The following MOCOS variants were observed in gnomAD, a reference collection of about 807,000 sequenced individuals.
MOCOS encodes molybdenum cofactor sulfurase.
MOCOS carries 86 observed loss-of-function variants against 83.6 expected under a neutral mutation model. The ratio of observed to expected loss-of-function variants is 1.03; its 90% CI spans 0.86 to 1.23. MOCOS has a LOEUF of 1.23. MOCOS is among the 50% of genes most tolerant of loss of function. The probability of loss-of-function intolerance (pLI) is 0.00; values close to 1 mark genes in which losing one functional copy is unlikely to be tolerated. For missense variants in MOCOS, 1,120 were observed against 1,126.9 expected, an observed-to-expected ratio of 0.99 and a Z score of 0.09; for synonymous variants, 445 against 434.7, an observed-to-expected ratio of 1.02 and a Z score of -0.29.
intron 9 of MOCOS, among the ~76,000 whole-genome samples, chr18:36,238,939 A>G (rs2091570264): frequency 6.7e-6 from 1 of 150,140 alleles, no homozygotes. Flanking sequence ...CTGTTTTATC[A>G]GAGACTAGGA....
chr18:36,240,933 A>G (rs1253625925), intron 9 of MOCOS, among the ~76,000 whole-genome samples: 6 of 152,182 alleles, frequency 3.9e-5, no homozygotes, highest in African/African-American at 1.4e-4. Context: ...TGATTAGGAA[A>G]GGGAACTCCC....
At chr18:36,229,447 T>C (rs1468811103) in intron 9 of MOCOS, among the ~76,000 whole-genome samples, 1 of 152,226 alleles carries the variant, frequency 6.6e-6, no homozygotes. Flanking sequence ...CTTTTGACTT[T>C]TGGCAATCTG....
chr18:36,241,776 A>T (rs1469449578), intron 9 of MOCOS, among the ~76,000 whole-genome samples: 1 of 152,198 alleles, frequency 6.6e-6, no homozygotes, highest in Non-Finnish European at 1.5e-5. Context: ...GAGGTTACCA[A>T]ATCTCAGTTC....
At chr18:36,261,003 G>T (rs2091661918) in intron 13 of MOCOS, among the ~76,000 whole-genome samples, 1 of 151,998 alleles carries the variant, frequency 6.6e-6, no homozygotes, top group Non-Finnish European at 1.5e-5. Flanking sequence ...TATTCCTGCA[G>T]TGTGTGGGAG....
intron 9 of MOCOS, among the ~76,000 whole-genome samples, chr18:36,240,450 G>A (rs1251765647): frequency 2.1e-5 from 3 of 141,160 alleles, no homozygotes; most frequent in Non-Finnish European, 4.8e-5. Context: ...GCTGCTCGGG[G>A]GTCAGGGGTC....
At position 36,200,121 on chromosome 18, in the gene MOCOS, G is replaced by A. The variant is rs755811397; in HGVS notation, c.738G>A (p.Ser246=). Residue 246 remains serine, a synonymous_variant, in exon 4 of 15, where the codon TCG becomes TCA. Coordinates refer to ENST00000261326, the MANE Select transcript of MOCOS (RefSeq NM_017947.4). ...ATGCAGCCTCCTACGTGAGCACCTC[G>A]CCTTTGGACCTGTCAGCTCACCAGG... ...LLDAASYVST[S]PLDLSAHQAD... is the part of the protein sequence containing the mutation. The A allele has an allele frequency of 1.5e-5, 25 of 1,614,038 alleles. No individual in the cohort carries two copies. The highest frequency in any genetic ancestry group is 1.3e-4 in the East Asian group (6 of 44,896).
At chr18:36,220,343 A>C in intron 9 of MOCOS, 126 bp downstream of exon 9, 1 of 273,924 alleles carries the variant, frequency 3.7e-6, no homozygotes. Context: ...TCATCTCTAC[A>C]AAAAAAAAAA....
At chr18:36,231,943 T>C (rs993899422) in intron 9 of MOCOS, among the ~76,000 whole-genome samples, 3 of 152,302 alleles carry the variant, frequency 2.0e-5, no homozygotes, top group Non-Finnish European at 4.4e-5. Context: ...AACCAAATTC[T>C]AGTGTCATTA....
At chr18:36,191,679 C>A (rs1331645143) in intron 1 of MOCOS, among the ~76,000 whole-genome samples, 2 of 152,164 alleles carry the variant, frequency 1.3e-5, no homozygotes, top group Admixed American at 1.3e-4. Context: ...TCAAGCAATC[C>A]TGCCTTGGCC....
intron 5 of MOCOS, among the ~76,000 whole-genome samples, chr18:36,204,342 T>G (rs2091426323): frequency 6.6e-6 from 1 of 152,232 alleles, no homozygotes. Context: ...CTTTTGTGTC[T>G]GGCTTCACTT....
intron 9 of MOCOS, among the ~76,000 whole-genome samples, chr18:36,233,931 A>G (rs1388670257): frequency 6.6e-6 from 1 of 151,974 alleles, no homozygotes; most frequent in African/African-American, 2.4e-5. Flanking sequence ...AATTCTGGAT[A>G]TTAGTCCTTC....
intron 9 of MOCOS, among the ~76,000 whole-genome samples, chr18:36,230,654 C>T (rs759999578): frequency 6.6e-5 from 10 of 152,196 alleles, no homozygotes; most frequent in Non-Finnish European, 1.3e-4. Flanking sequence ...AGAAGCCAGT[C>T]CTCTAGGGAG....
chr18:36,195,985 A>G (rs2091385850), intron 2 of MOCOS, among the ~76,000 whole-genome samples: 1 of 152,136 alleles, frequency 6.6e-6, no homozygotes, highest in Non-Finnish European at 1.5e-5. Flanking sequence ...TCACTCAGAC[A>G]AGAGGGGGAG....
At chr18:36,210,705 G>T (rs1220351364) in intron 6 of MOCOS, among the ~76,000 whole-genome samples, 1 of 151,516 alleles carries the variant, frequency 6.6e-6, no homozygotes, top group Non-Finnish European at 1.5e-5. Context: ...ACAAAAATTA[G>T]CTGGGCGTGG....
intron 13 of MOCOS, among the ~76,000 whole-genome samples, chr18:36,261,805 G>A (rs1368948661): frequency 6.6e-6 from 1 of 151,800 alleles, no homozygotes; most frequent in Non-Finnish European, 1.5e-5. Flanking sequence ...TTCTATCCCT[G>A]TGTCTCTGCC....
intron 8 of MOCOS, among the ~76,000 whole-genome samples, chr18:36,217,398 C>G (rs1214425927): frequency 6.6e-6 from 1 of 152,134 alleles, no homozygotes; most frequent in Non-Finnish European, 1.5e-5. Flanking sequence ...TAAATTGTGG[C>G]ATCAGTAAAT....
chr18:36,237,601 GT>G (rs1432446753), intron 9 of MOCOS, among the ~76,000 whole-genome samples: 5 of 151,946 alleles, frequency 3.3e-5, no homozygotes, highest in Non-Finnish European at 7.4e-5. Context: ...CTCTTCTTTG[GT>G]TGTGTCTCTG....
Position 36,266,776 on chromosome 18 carries a change from A to T in MOCOS, c.2437A>T (p.Met813Leu), listed in dbSNP as rs777177743. The change falls in exon 14 of 15, where the codon ATG (methionine) becomes TTG (leucine). Residue 813 changes from methionine (M) to leucine (L), a missense_variant. By Grantham distance (15) the Met-to-Leu change is conservative. Transcript: ENST00000261326. ...QVLGPCHRCQMICIDQQTGQR... is the reference protein window; with the variant it reads ...QVLGPCHRCQLICIDQQTGQR... ...TTTGGGGCCTTGTCACAGATGCCAG[A>T]TGATTTGCATCGACCAGCAAACTGG... 6.2e-7 allele frequency: 1 copy of T among 1,614,082 alleles called. No homozygotes were observed. The highest frequency in any genetic ancestry group is 1.1e-5 in the South Asian group (1 of 91,084).
intron 11 of MOCOS, 175 bp from the exon 12 acceptor site, chr18:36,256,793 C>T (rs1457984666): frequency 1.6e-6 from 1 of 638,272 alleles, no homozygotes; most frequent in African/African-American, 1.8e-5. Context: ...CTCCTTTTGC[C>T]TCTTTATTGA....
Sources: allele counts gnomAD v4.1 joint callset (sites outside exome capture counted in the v4.1 genomes callset), GRCh38; gene constraint gnomAD v4.1.1; transcripts MANE v1.5; gene names NCBI Gene and HGNC (gene_info 2026-07-23, HGNC 2026-07-21).